ADGRB1: variants seen among roughly 807,000 people sequenced by gnomAD.
The protein encoded by ADGRB1 is adhesion G protein-coupled receptor B1.
ADGRB1 carries 36 observed loss-of-function variants against 175.7 expected under a neutral mutation model. That is an observed-to-expected ratio of 0.20 (90% CI 0.16 to 0.27). The LOEUF (loss-of-function observed/expected upper bound fraction) is 0.27, where lower values mean the gene tolerates loss of function less well. ADGRB1 is among the 10% of genes least tolerant of loss of function. ADGRB1 has a pLI of 1.00. For missense variants in ADGRB1, 1,731 were observed against 2,255.3 expected (o/e 0.77, Z 4.71); for synonymous variants, 1,054 against 979.4 (o/e 1.08, Z -1.42).
At chr8:142,481,181 C>T (rs1841314702) in intron 9 of ADGRB1, 73 bp from the exon 10 acceptor site, 1 of 1,422,764 alleles carries the variant, frequency 7.0e-7, no homozygotes, top group Non-Finnish European at 9.9e-7. Context: ...AGAAGGTCTG[C>T]TGCCAGGGGC....
chr8:142,483,602 TCACACTGAGCCCTGATCCTGGTCA>T (rs1193639903), intron 11 of ADGRB1, among the ~76,000 whole-genome samples: 4 of 136,490 alleles, frequency 2.9e-5, no homozygotes, highest in Non-Finnish European at 4.6e-5. Flanking sequence ...CTTATCCTGG[TCACACTGAGCCCTGATCCTGGTCA>T]CACACTGAGC....
At chr8:142,505,825 T>C (rs1040991532) in intron 17 of ADGRB1, among the ~76,000 whole-genome samples, 2 of 152,100 alleles carry the variant, frequency 1.3e-5, no homozygotes, top group Admixed American at 6.5e-5. Flanking sequence ...GCACGGGTGG[T>C]GGCTGTGGAG....
chr8:142,536,898 G>C, intron 25 of ADGRB1, 89 bp from the exon 26 acceptor site: 1 of 1,141,134 alleles, frequency 8.8e-7, no homozygotes, highest in Non-Finnish European at 1.2e-6. Flanking sequence ...CGAGACGCCC[G>C]CCCCCCCACA....
At chr8:142,524,602 A>G (rs780334876) in intron 23 of ADGRB1, among the ~76,000 whole-genome samples, 1 of 152,134 alleles carries the variant, frequency 6.6e-6, no homozygotes. Context: ...GTGGTGAGTG[A>G]GTGGCATGGG....
intron 3 of ADGRB1, 118 bp from the exon 4 acceptor site, chr8:142,476,467 C>G: frequency 1.1e-6 from 1 of 888,994 alleles, no homozygotes; most frequent in East Asian, 2.7e-5. Context: ...GTCCCTGGCT[C>G]CCAGCTGCCC....
chr8:142,523,613 G>C (rs1843999384), intron 22 of ADGRB1, among the ~76,000 whole-genome samples: 1 of 151,620 alleles, frequency 6.6e-6, no homozygotes, highest in Non-Finnish European at 1.5e-5. Context: ...AGGAGGGGAT[G>C]GGGACATTGA....
intron 22 of ADGRB1, 34 bp from the exon 23 acceptor site, chr8:142,524,204 C>G (rs749664506): frequency 6.3e-7 from 1 of 1,586,094 alleles, no homozygotes; most frequent in East Asian, 2.3e-5. Context: ...CCCCTCTGCA[C>G]ACGGGCGGTG....
chr8:142,463,675 G>C (rs1840087712), intron 1 of ADGRB1, among the ~76,000 whole-genome samples: 1 of 152,254 alleles, frequency 6.6e-6, no homozygotes, highest in Non-Finnish European at 1.5e-5. Context: ...GTGGGCAAAG[G>C]GGTACCACCA....
intron 17 of ADGRB1, among the ~76,000 whole-genome samples, chr8:142,496,218 T>A (rs1587344211): frequency 6.6e-6 from 1 of 150,508 alleles, no homozygotes; most frequent in Non-Finnish European, 1.5e-5. Flanking sequence ...GATAGATGGG[T>A]GGCTGGCTGG....
intron 19 of ADGRB1, among the ~76,000 whole-genome samples, chr8:142,519,192 G>T (rs1000513911): frequency 2.0e-5 from 3 of 152,154 alleles, no homozygotes; most frequent in African/African-American, 7.2e-5. Context: ...GGGTTCAGGG[G>T]CTCTGAACTC....
intron 25 of ADGRB1, 89 bp downstream of exon 25, chr8:142,533,555 G>C (rs945414461): frequency 4.2e-6 from 6 of 1,422,174 alleles, no homozygotes; most frequent in Non-Finnish European, 5.7e-6. Context: ...CCTCGGCAGG[G>C]AGATTGTGGG....
At chr8:142,509,627 G>A (rs1419470286) in intron 17 of ADGRB1, among the ~76,000 whole-genome samples, 1 of 152,230 alleles carries the variant, frequency 6.6e-6, no homozygotes, top group African/African-American at 2.4e-5. Flanking sequence ...CCTGGGTGGG[G>A]AATGGGGTAA....
chr8:142,494,441 T>A (rs1416993739), intron 17 of ADGRB1, among the ~76,000 whole-genome samples: 1 of 152,076 alleles, frequency 6.6e-6, no homozygotes, highest in Non-Finnish European at 1.5e-5. Flanking sequence ...TGCTCTGGTG[T>A]CTTAGCTGGA....
At chr8:142,539,516 C>A in intron 27 of ADGRB1, 103 bp downstream of exon 27, 1 of 1,381,112 alleles carries the variant, frequency 7.2e-7, no homozygotes, top group Non-Finnish European at 1.0e-6. Context: ...TCCCTGTCCA[C>A]TCCTGCTGCC....
At chr8:142,470,896 A>C (rs1270667895) in intron 2 of ADGRB1, among the ~76,000 whole-genome samples, 1 of 152,128 alleles carries the variant, frequency 6.6e-6, no homozygotes, top group African/African-American at 2.4e-5. Context: ...GCTCAGCCCC[A>C]ACCCCAGGAG....
intron 17 of ADGRB1, among the ~76,000 whole-genome samples, chr8:142,500,931 G>A (rs1005206369): frequency 7.2e-5 from 11 of 152,180 alleles, no homozygotes; most frequent in South Asian, 2.1e-4. Flanking sequence ...TGGTGATGGC[G>A]TGGATGCCCT....
chr8:142,475,700 G>A lies in ADGRB1; in HGVS notation c.946+65G>A, dbSNP rs1026285524. ...GAGGCGGGGCCTGTGAGGGAGGAGA[G>A]GGGGGTGGGGCCCTGGAGAGGAGGG... is the stretch of plus-strand genomic sequence containing the variant. On this transcript the variant is annotated intron_variant, in intron 3 of 30. Coordinates refer to ENST00000517894, the MANE Select transcript of ADGRB1 (RefSeq NM_001702.3). 5.4e-5 allele frequency: 63 copies of A among 1,176,496 alleles called. 1 individual carries two copies. In the Middle Eastern group the frequency reaches 2.0e-3, roughly 37 times the overall value. The allele number at this position is 1,176,496 out of a possible 1,614,324, so 72.9% of individuals were successfully genotyped here.
At chr8:142,540,759 T>G (rs951055890) in intron 27 of ADGRB1, among the ~76,000 whole-genome samples, 1 of 151,422 alleles carries the variant, frequency 6.6e-6, no homozygotes, top group African/African-American at 2.4e-5. Context: ...GCTGTGGCTG[T>G]CTGGGTGGGG....
chr8:142,505,086 G>C (rs553197160), intron 17 of ADGRB1, among the ~76,000 whole-genome samples: 73 of 152,194 alleles, frequency 4.8e-4, no homozygotes, highest in African/African-American at 1.2e-3. Flanking sequence ...TGGGCTCTTA[G>C]AGCGCCCTCC....
Sources: gnomAD v4.1 joint callset for allele counts (sites outside exome capture counted in the v4.1 genomes callset) on GRCh38, gnomAD v4.1.1 for gene constraint, MANE v1.5 for transcripts, NCBI Gene and HGNC (gene_info 2026-07-23, HGNC 2026-07-21) for gene names.